SV2C: variants seen among roughly 807,000 people sequenced by gnomAD.
SV2C encodes solute carrier family 22 member B3.
A neutral mutation model predicts 79.7 loss-of-function variants in SV2C; 49 were observed. The observed-to-expected ratio is 0.61, with a 90% CI of 0.49 to 0.78. SV2C has a LOEUF of 0.78. Ranked by LOEUF, SV2C falls within the 30% of genes least tolerant of loss-of-function variation. SV2C has a pLI of 0.00. For synonymous variants in SV2C, 334 were observed against 333.2 expected (o/e 1.00, Z -0.03); for missense variants, 833 against 912.9 (o/e 0.91, Z 1.13).
downstream of SV2C, among the ~76,000 whole-genome samples, chr5:76,335,496 A>G (rs1441823074): frequency 2.8e-5 from 4 of 144,914 alleles, no homozygotes; most frequent in Admixed American, 1.4e-4. Context: ...TCATAGGACA[A>G]TAGTGGAGGG....
chr5:76,142,955 G>A (rs1749305906), intron 2 of SV2C, among the ~76,000 whole-genome samples: 1 of 150,354 alleles, frequency 6.7e-6, no homozygotes, highest in South Asian at 2.1e-4. Context: ...GTGCAGTGGT[G>A]CAATCTCGGC....
chr5:76,246,655 ACAG>A (rs924070969), intron 4 of SV2C, among the ~76,000 whole-genome samples: 2 of 152,152 alleles, frequency 1.3e-5, no homozygotes, highest in African/African-American at 4.8e-5. Flanking sequence ...ACTCACACAC[ACAG>A]CAGAAGAGAA....
At chr5:76,283,933 G>A (rs1747269699) in intron 4 of SV2C, among the ~76,000 whole-genome samples, 1 of 152,144 alleles carries the variant, frequency 6.6e-6, no homozygotes, top group African/African-American at 2.4e-5. Context: ...TTGGCTCCCA[G>A]GTAGACAATG....
In SV2C at chr5:76,285,682, T is replaced by C. The variant is rs1484572058; in HGVS notation, c.1048-99T>C. 2.3e-5 allele frequency: 22 copies of C among 950,578 alleles called. No homozygotes were observed. The Middle Eastern group carries it at 6.6e-4, about 28-fold the overall frequency. 58.9% of individuals were successfully genotyped at this position (950,578 alleles called of 1,614,324 possible). On this transcript the variant is annotated intron_variant, in intron 5 of 12. Transcript: ENST00000502798. ...ATGTACTGAGATACATTTGCACAAT[T>C]ACACCTCATTTGATCTGACAATGCA... is the stretch of plus-strand genomic sequence containing the variant.
At chr5:76,247,135 A>C (rs1048211635) in intron 4 of SV2C, among the ~76,000 whole-genome samples, 1 of 152,210 alleles carries the variant, frequency 6.6e-6, no homozygotes, top group Non-Finnish European at 1.5e-5. Flanking sequence ...CTAGTTCCCT[A>C]ATTGGTAAGA....
chr5:76,316,621 C>T (rs1421012542), intron 12 of SV2C, among the ~76,000 whole-genome samples: 5 of 152,010 alleles, frequency 3.3e-5, no homozygotes. Context: ...GGAGGTAAGC[C>T]GTTTAGCCCT....
rs11739568 is a variant in SV2C, at chr5:76,146,796, T to A, written c.580+14466T>A. Among the ~76,000 whole-genome samples the A allele has an allele frequency of 8.2e-3, 553 of 67,032 alleles. 25 individuals carry two copies. Among genetic ancestry groups the A allele is most frequent in the African/African-American group, 0.036 (464 of 12,782 alleles). The allele number at this position is 67,032 out of a possible 152,430, so 44.0% of individuals were successfully genotyped here. On this transcript the variant is annotated intron_variant, in intron 2 of 12. Coordinates refer to ENST00000502798, the MANE Select transcript of SV2C (RefSeq NM_014979.4). ...AGATGATAAAGGAATGAGTTTTTTTTTAAAAAAAAAAAAAAAAAAAAAAAG... is the reference window on the plus strand; with the variant it reads ...AGATGATAAAGGAATGAGTTTTTTTATAAAAAAAAAAAAAAAAAAAAAAAG...
the SV2C span, among the ~76,000 whole-genome samples, chr5:76,077,760 A>G: frequency 6.6e-6 from 1 of 152,336 alleles, no homozygotes; most frequent in South Asian, 2.1e-4. Context: ...GGAAAGCTGA[A>G]GAGCACACTG....
the SV2C span, among the ~76,000 whole-genome samples, chr5:75,982,154 G>C: frequency 4.6e-5 from 7 of 150,822 alleles, no homozygotes; most frequent in Non-Finnish European, 7.4e-5. Flanking sequence ...TGGGTGCAGC[G>C]CACCAGCATG....
At chr5:75,890,602 A>G in the SV2C span, among the ~76,000 whole-genome samples, 1 of 152,080 alleles carries the variant, frequency 6.6e-6, no homozygotes, top group South Asian at 2.1e-4. Context: ...TCTCCTGCTT[A>G]GAGGAGGACA....
At chr5:76,042,515 A>G in the SV2C span, among the ~76,000 whole-genome samples, 1 of 152,142 alleles carries the variant, frequency 6.6e-6, no homozygotes, top group Non-Finnish European at 1.5e-5. Flanking sequence ...AAATCTATAG[A>G]TCCTCCTTCT....
chr5:76,214,737 A>G (rs1036248866), intron 4 of SV2C, among the ~76,000 whole-genome samples: 6 of 152,140 alleles, frequency 3.9e-5, no homozygotes, highest in Non-Finnish European at 5.9e-5. Flanking sequence ...CAAATCTTTT[A>G]CCTTCTGTGT....
intron 12 of SV2C, among the ~76,000 whole-genome samples, chr5:76,308,190 G>A (rs1410250924): frequency 6.6e-6 from 1 of 152,160 alleles, no homozygotes; most frequent in Non-Finnish European, 1.5e-5. Context: ...TCTGGCAAGC[G>A]AAAGGGAGGC....
chr5:76,053,946 A>AT, the SV2C span, among the ~76,000 whole-genome samples: 1 of 152,038 alleles, frequency 6.6e-6, no homozygotes, highest in Non-Finnish European at 1.5e-5. Context: ...ATAATTTATA[A>AT]TTTTTTTAAT....
At chr5:76,042,837 A>G in the SV2C span, among the ~76,000 whole-genome samples, 3 of 152,146 alleles carry the variant, frequency 2.0e-5, no homozygotes. Context: ...TCCTTTCCAC[A>G]GGTGATAGAG....
chr5:75,878,383 A>G, the SV2C span, among the ~76,000 whole-genome samples: 425 of 152,282 alleles, frequency 2.8e-3, 5 homozygotes, highest in African/African-American at 9.7e-3. Flanking sequence ...TCTTTTTCAG[A>G]ATCTGCTCAC....
chr5:76,173,658 G>A (rs1164175155), intron 2 of SV2C: 20 of 1,613,400 alleles, frequency 1.2e-5, no homozygotes, highest in South Asian at 3.3e-5. Flanking sequence ...GACTTTTTGC[G>A]AGCCTTCCCA....
chr5:75,962,980 G>C, the SV2C span, among the ~76,000 whole-genome samples: 4 of 152,066 alleles, frequency 2.6e-5, no homozygotes, highest in Non-Finnish European at 5.9e-5. Context: ...ATCATCACCT[G>C]CTCAGGGAAA....
chr5:76,007,840 A>G, the SV2C span, among the ~76,000 whole-genome samples: 2 of 152,132 alleles, frequency 1.3e-5, no homozygotes, highest in Admixed American at 6.6e-5. Flanking sequence ...AATCAGCTGC[A>G]ATACTTCAGA....
Sources: gnomAD v4.1 joint callset for allele counts (sites outside exome capture counted in the v4.1 genomes callset) on GRCh38, gnomAD v4.1.1 for gene constraint, MANE v1.5 for transcripts, NCBI Gene and HGNC (gene_info 2026-07-23, HGNC 2026-07-21) for gene names.